Variants in NREP observed in about 807,000 individuals in gnomAD.
NREP encodes neuronal regeneration-related protein.
Under a neutral mutation model 8.6 loss-of-function variants are expected in NREP, and 5 were observed. That is an observed-to-expected ratio of 0.58 (90% CI 0.30 to 1.22). NREP has a LOEUF of 1.22. Among genes scored for constraint, NREP ranks in the 50% most tolerant of loss-of-function variants. The pLI is 0.07. For missense variants in NREP, 86 were observed against 82.5 expected, an observed-to-expected ratio of 1.04 and a Z score of -0.17; for synonymous variants, 27 against 28.0, an observed-to-expected ratio of 0.96 and a Z score of 0.11.
chr5:111,878,657 G>A (rs1200724010), intron 2 of NREP, among the ~76,000 whole-genome samples: 1 of 152,124 alleles, frequency 6.6e-6, no homozygotes, highest in Non-Finnish European at 1.5e-5. Context: ...TGTCTTAAAG[G>A]CCTTAGAAAA....
At chr5:111,809,394 C>T (rs969426786) in intron 2 of NREP, among the ~76,000 whole-genome samples, 2 of 152,174 alleles carry the variant, frequency 1.3e-5, no homozygotes, top group African/African-American at 4.8e-5. Context: ...CTCCAAAATT[C>T]ATGTTGAAAT....
At position 111,730,231 on chromosome 5, in the gene NREP, G is replaced by GAAAAC. The variant is rs1748428742; in HGVS notation, c.*685_*689dup. On this transcript the variant is annotated 3_prime_UTR_variant, in exon 4 of 4. Coordinates refer to ENST00000257435, the MANE Select transcript of NREP (RefSeq NM_004772.4). ...AAGAAAGCCACACTGAAGACACAAG[G>GAAAAC]AAAACAAGTCAATCCAGTCTAGAGA... 1 of 152,416 alleles carries GAAAAC rather than the reference G, an allele frequency of 6.6e-6. No individual in the cohort carries two copies. The highest frequency in any genetic ancestry group is 1.5e-5 in the Non-Finnish European group (1 of 68,024). The allele number at this position is 152,416 out of a possible 1,614,324, so 9.4% of individuals were successfully genotyped here.
intron 2 of NREP, among the ~76,000 whole-genome samples, chr5:111,787,083 G>A (rs1751629962): frequency 6.6e-6 from 1 of 152,140 alleles, no homozygotes; most frequent in Non-Finnish European, 1.5e-5. Flanking sequence ...GTAGCCACTA[G>A]AACTCTTAAC....
chr5:111,812,054 G>A (rs1033035972), intron 2 of NREP, among the ~76,000 whole-genome samples: 2 of 152,102 alleles, frequency 1.3e-5, no homozygotes, highest in South Asian at 2.1e-4. Flanking sequence ...TTGGGAGGCC[G>A]AGGCAGGTGG....
chr5:111,788,364 G>A (rs1475668899), intron 2 of NREP, among the ~76,000 whole-genome samples: 2 of 152,192 alleles, frequency 1.3e-5, no homozygotes, highest in African/African-American at 4.8e-5. Flanking sequence ...TGGACGAAGT[G>A]TTGGCGTGTG....
intron 2 of NREP, among the ~76,000 whole-genome samples, chr5:111,894,845 G>T (rs1042167920): frequency 1.4e-4 from 22 of 152,170 alleles, no homozygotes; most frequent in African/African-American, 5.3e-4. Context: ...GTGAAGAGTC[G>T]TTACAATATT....
chr5:111,911,158 C>T (rs1754902012), intron 2 of NREP, among the ~76,000 whole-genome samples: 1 of 152,026 alleles, frequency 6.6e-6, no homozygotes, highest in African/African-American at 2.4e-5. Flanking sequence ...CCCCTGCACC[C>T]AGTGTTCTGG....
At chr5:111,751,624 A>G (rs985551682) in intron 2 of NREP, among the ~76,000 whole-genome samples, 2 of 152,190 alleles carry the variant, frequency 1.3e-5, no homozygotes, top group African/African-American at 4.8e-5. Flanking sequence ...ACATAATCCA[A>G]GTACATTCAG....
intron 2 of NREP, among the ~76,000 whole-genome samples, chr5:111,938,554 C>T (rs1391877391): frequency 6.6e-6 from 1 of 152,022 alleles, no homozygotes; most frequent in African/African-American, 2.4e-5. Flanking sequence ...ACTCTGTAGG[C>T]AGATGACATG....
chr5:111,941,294 TTTTG>T (rs1755822014), intron 2 of NREP, among the ~76,000 whole-genome samples: 1 of 152,102 alleles, frequency 6.6e-6, no homozygotes, highest in Admixed American at 6.6e-5. Context: ...CATCACACCT[TTTTG>T]TTTTAGTTTG....
At chr5:111,775,777 A>G (rs1467053912) in intron 2 of NREP, among the ~76,000 whole-genome samples, 2 of 152,136 alleles carry the variant, frequency 1.3e-5, no homozygotes, top group African/African-American at 4.8e-5. Flanking sequence ...ACAAACAACA[A>G]TTTGGGGGAA....
At chr5:111,951,410 T>C (rs977160713) in intron 2 of NREP, among the ~76,000 whole-genome samples, 1 of 152,110 alleles carries the variant, frequency 6.6e-6, no homozygotes, top group Non-Finnish European at 1.5e-5. Flanking sequence ...AGCCTAAATA[T>C]GGCCCACCAT....
chr5:111,733,449 AGATTTCAATCCTCTTCCCCTGACT>A (rs1748798550), intron 3 of NREP: 2 of 151,614 alleles, frequency 1.3e-5, no homozygotes, highest in South Asian at 4.2e-4. Flanking sequence ...TGCATTTACT[AGATTTCAATCCTCTTCCCCTGACT>A]GATTTCAATC....
intron 2 of NREP, among the ~76,000 whole-genome samples, chr5:111,894,161 G>A (rs1045958237): frequency 6.6e-6 from 1 of 152,102 alleles, no homozygotes; most frequent in Admixed American, 6.5e-5. Flanking sequence ...AGAGGTTGCA[G>A]TGAGCCGAGA....
chr5:111,864,736 A>G (rs977428397), intron 2 of NREP, among the ~76,000 whole-genome samples: 4 of 152,134 alleles, frequency 2.6e-5, no homozygotes, highest in South Asian at 2.1e-4. Flanking sequence ...AGAATATTCA[A>G]TGTGTACTTT....
At chr5:111,758,392 A>C (rs1490872381), upstream of NREP, among the ~76,000 whole-genome samples, 1 of 152,254 alleles carries the variant, frequency 6.6e-6, no homozygotes, top group Non-Finnish European at 1.5e-5. Flanking sequence ...TTAAAAAATA[A>C]AGTGCTTTGC....
chr5:111,860,260 C>T (rs1753515933), intron 2 of NREP, among the ~76,000 whole-genome samples: 1 of 152,174 alleles, frequency 6.6e-6, no homozygotes, highest in South Asian at 2.1e-4. Flanking sequence ...CCTCAGACTA[C>T]ACTGAAGACC....
chr5:111,957,078 A>G (rs577712073), intron 2 of NREP, among the ~76,000 whole-genome samples: 1 of 151,974 alleles, frequency 6.6e-6, no homozygotes, highest in Non-Finnish European at 1.5e-5. Context: ...ACAATTGTCC[A>G]GAGAGGAAAG....
chr5:111,888,140 G>A (rs947855424), intron 2 of NREP, among the ~76,000 whole-genome samples: 1 of 152,196 alleles, frequency 6.6e-6, no homozygotes, highest in African/African-American at 2.4e-5. Context: ...ATGCTGTCAT[G>A]CTTTTAGGTT....
Sources: gnomAD v4.1 joint callset for allele counts (sites outside exome capture counted in the v4.1 genomes callset) on GRCh38, gnomAD v4.1.1 for gene constraint, MANE v1.5 for transcripts, NCBI Gene and HGNC (gene_info 2026-07-23, HGNC 2026-07-21) for gene names.